MTMR8: variants seen among roughly 807,000 people sequenced by gnomAD.
The protein encoded by MTMR8 is myotubularin related protein 8.
In MTMR8, 65 loss-of-function variants were observed where a neutral mutation model predicts 39.3. The ratio of observed to expected loss-of-function variants is 1.65; its 90% CI spans 1.35 to 2.03. MTMR8 has a LOEUF of 2.03. Ranked by LOEUF, MTMR8 falls within the 30% of genes most tolerant of loss-of-function variation. MTMR8 has a pLI of 0.00. For synonymous variants in MTMR8, 245 were observed against 185.2 expected, an observed-to-expected ratio of 1.32 and a Z score of -2.62; for missense variants, 777 against 538.9, an observed-to-expected ratio of 1.44 and a Z score of -4.37.
chrX:64,304,029 A>G (rs1003743456), intron 12 of MTMR8, among the ~76,000 whole-genome samples: 1 of 112,107 alleles, frequency 8.9e-6, no homozygotes, highest in African/African-American at 3.2e-5. Context: ...TCATGCAAAA[A>G]TCTACACAAA....
chrX:64,386,248 T>C (rs928093828), intron 1 of MTMR8, among the ~76,000 whole-genome samples: 1 of 112,037 alleles, frequency 8.9e-6, no homozygotes, highest in Non-Finnish European at 1.9e-5. Context: ...CCCCAATTCA[T>C]GAATTAGATC....
intron 12 of MTMR8, among the ~76,000 whole-genome samples, chrX:64,312,823 T>C (rs750904645): frequency 8.9e-6 from 1 of 112,425 alleles, no homozygotes; most frequent in Admixed American, 9.4e-5. Context: ...CAGATCTCCA[T>C]AAGAGCTCCT....
rs190791981 is a variant in MTMR8 at position 64,325,678 on chromosome X, C to T, written c.1481+3094G>A. Among the ~76,000 whole-genome samples, 166 of 112,361 alleles carry T rather than the reference C, an allele frequency of 1.5e-3. 2 individuals are homozygous for T. Among genetic ancestry groups the T allele is most frequent in the Middle Eastern group, 4.6e-3 (1 of 217 alleles). On this transcript the variant is annotated intron_variant, in intron 12 of 13. Transcript: ENST00000374852. ...CCACATATGACAAACCCACAGCTAA[C>T]ACCATATTGAACAGGGAAAAGTTGG...
intron 12 of MTMR8, 94 bp downstream of exon 12, chrX:64,328,678 C>A (rs1922861259): frequency 1.1e-6 from 1 of 904,246 alleles, no homozygotes; most frequent in Non-Finnish European, 1.5e-6. Flanking sequence ...CATAGCCAGG[C>A]TTGTACAGAT....
At chrX:64,273,494 C>A (rs1304821604) in intron 12 of MTMR8, among the ~76,000 whole-genome samples, 49 of 105,981 alleles carry the variant, frequency 4.6e-4, no homozygotes, top group East Asian at 5.9e-4. Context: ...AACAAACAAA[C>A]AAAAAAAACA....
At chrX:64,340,647 A>G (rs774925883) in intron 8 of MTMR8, among the ~76,000 whole-genome samples, 3 of 111,687 alleles carry the variant, frequency 2.7e-5, no homozygotes, top group Admixed American at 9.5e-5. Flanking sequence ...AGATCTGGAA[A>G]AAAGTTTTTC....
At chrX:64,375,982 C>T (rs993231124) in intron 1 of MTMR8, among the ~76,000 whole-genome samples, 1 of 111,421 alleles carries the variant, frequency 9.0e-6, no homozygotes, top group East Asian at 2.8e-4. Context: ...GTGTGTAGCA[C>T]TTCCCCTTCA....
intron 13 of MTMR8, among the ~76,000 whole-genome samples, chrX:64,269,346 T>C (rs1304769558): frequency 8.9e-6 from 1 of 111,995 alleles, no homozygotes; most frequent in East Asian, 2.8e-4. Flanking sequence ...TGAATACCTC[T>C]ATGTGCTAGG....
chrX:64,284,688 G>T (rs956627609), intron 12 of MTMR8, among the ~76,000 whole-genome samples: 4 of 111,532 alleles, frequency 3.6e-5, no homozygotes, highest in Admixed American at 1.9e-4. Flanking sequence ...TTAAAGAAAA[G>T]AATTTTCAAC....
At position 64,269,168 on chromosome X, in the gene MTMR8, AC is replaced by A. The variant is rs1931700294; in HGVS notation, c.1609-126del. 6.3e-6 allele frequency: 4 copies of A among 638,932 alleles called. No homozygotes were observed. In the South Asian group the frequency reaches 1.2e-4, roughly 19 times the overall value. The allele number at this position is 638,932 out of a possible 1,213,427, so 52.7% of individuals were successfully genotyped here. A position where few individuals can be genotyped will look rare whatever the true frequency, so the allele number is the denominator to read the frequency against. On this transcript the variant is annotated intron_variant, in intron 13 of 13. Coordinates refer to ENST00000374852, the MANE Select transcript of MTMR8 (RefSeq NM_017677.4). ...AATGGTAGCAAATGACCTTTTGCTC[AC>A]CCCCTCCCCCACAACATCTTTCCCT...
chrX:64,390,428 C>A (rs1220096436), intron 1 of MTMR8, among the ~76,000 whole-genome samples: 1 of 111,538 alleles, frequency 9.0e-6, no homozygotes, highest in Non-Finnish European at 1.9e-5. Flanking sequence ...GTGATAACTC[C>A]ACAGTTTATT....
At chrX:64,386,388 C>T (rs898405406) in intron 1 of MTMR8, among the ~76,000 whole-genome samples, 1 of 111,801 alleles carries the variant, frequency 8.9e-6, no homozygotes, top group Admixed American at 9.5e-5. Context: ...CAAGGTGGGA[C>T]AAGGCCAGAG....
chrX:64,310,191 C>T (rs1295098769), intron 12 of MTMR8, among the ~76,000 whole-genome samples: 3 of 112,006 alleles, frequency 2.7e-5, no homozygotes, highest in African/African-American at 9.7e-5. Context: ...AAATCCTTTG[C>T]TATCATTTCG....
chrX:64,330,737 G>T (rs1478378357), intron 11 of MTMR8, among the ~76,000 whole-genome samples: 1 of 111,702 alleles, frequency 9.0e-6, no homozygotes, highest in Non-Finnish European at 1.9e-5. Context: ...GGTAAGAACT[G>T]CAGTCAACAA....
chrX:64,275,483 G>A (rs1199873600), intron 12 of MTMR8, among the ~76,000 whole-genome samples: 2 of 108,823 alleles, frequency 1.8e-5, no homozygotes, highest in Non-Finnish European at 3.8e-5. Context: ...ACTGTTTGAG[G>A]CCAGGAGTTC....
Position 64,331,642 on chromosome X carries a change from A to G in MTMR8, c.1267T>C (p.Phe423Leu). ...FPCAFEFNENFLLEIHDHVFS... is the reference protein window; with the variant it reads ...FPCAFEFNENLLLEIHDHVFS... ...ACATGGTCATGAATCTCCAGCAGGAAGTTTTCATTAAACTCAAAGGCACAG... is the reference window on the plus strand; with the variant it reads ...ACATGGTCATGAATCTCCAGCAGGAGGTTTTCATTAAACTCAAAGGCACAG... Residue 423 changes from phenylalanine to leucine, a missense_variant, in exon 11 of 14, where the codon TTC (phenylalanine) becomes CTC (leucine). Physicochemically the swap from Phe to Leu is conservative, Grantham distance 22. Coordinates refer to ENST00000374852, the MANE Select transcript of MTMR8 (RefSeq NM_017677.4). 1 of 1,210,765 alleles carries G rather than the reference A, an allele frequency of 8.3e-7. No homozygotes were observed. Among genetic ancestry groups the G allele is most frequent in the Non-Finnish European group, 1.1e-6 (1 of 894,854 alleles).
At chrX:64,308,320 ATTTTTTTTTTTTT>A (rs778962275) in intron 12 of MTMR8, among the ~76,000 whole-genome samples, 3 of 69,608 alleles carry the variant, frequency 4.3e-5, no homozygotes, top group Non-Finnish European at 7.7e-5. Flanking sequence ...ACGGCTGGCT[ATTTTTTTTTTTTT>A]TTTTTTTTTG....
At chrX:64,334,588 A>AAAAAAAAC (rs1923026915) in intron 10 of MTMR8, among the ~76,000 whole-genome samples, 1 of 104,970 alleles carries the variant, frequency 9.5e-6, no homozygotes, top group African/African-American at 3.6e-5. Flanking sequence ...AAAAAAAAAA[A>AAAAAAAAC]AAAAAAACAG....
chrX:64,312,363 G>T (rs956891889), intron 12 of MTMR8, among the ~76,000 whole-genome samples: 2 of 111,724 alleles, frequency 1.8e-5, no homozygotes, highest in African/African-American at 6.5e-5. Context: ...TGCATCCTGA[G>T]ACTTTGCTGA....
Sources: allele counts gnomAD v4.1 joint callset (sites outside exome capture counted in the v4.1 genomes callset), GRCh38; gene constraint gnomAD v4.1.1; transcripts MANE v1.5; gene names NCBI Gene and HGNC (gene_info 2026-07-23, HGNC 2026-07-21).